The following MYO18B variants were observed in gnomAD, a reference collection of about 807,000 sequenced individuals.
MYO18B encodes unconventional myosin-XVIIIb.
In MYO18B, 204 loss-of-function variants were observed where a neutral mutation model predicts 273.0. That is an observed-to-expected ratio of 0.75 (90% CI 0.67 to 0.84). The LOEUF is 0.84. Ranked by LOEUF, MYO18B falls within the 40% of genes least tolerant of loss-of-function variation. The pLI is 0.00. For missense variants in MYO18B, 3,212 were observed against 3,287.6 expected (o/e 0.98, Z 0.56); for synonymous variants, 1,330 against 1,305.7 (o/e 1.02, Z -0.40).
intron 25 of MYO18B, among the ~76,000 whole-genome samples, chr22:25,890,268 T>C (rs2091620954): frequency 1.3e-5 from 2 of 152,150 alleles, no homozygotes; most frequent in Non-Finnish European, 1.5e-5. Context: ...CATGGGGCCA[T>C]TGTAGAGAGG....
In MYO18B at chr22:25,746,829, T is replaced by C. The variant is rs1438522836; in HGVS notation, c.-110+4536T>C. ...AGCAACACAGTAGTGGATAGAAAAT[T>C]AGCCCTTTGAGGCTGGGCGCAGTGG... On this transcript the variant is annotated intron_variant, in intron 1 of 43. Transcript: ENST00000335473. 3.9e-5 allele frequency among the ~76,000 whole-genome samples: 6 copies of C among 152,258 alleles called. No homozygotes were observed. In the South Asian group the frequency reaches 1.2e-3, roughly 32 times the overall value.
intron 21 of MYO18B, among the ~76,000 whole-genome samples, chr22:25,859,529 T>C (rs2090669647): frequency 6.6e-6 from 1 of 152,220 alleles, no homozygotes; most frequent in Non-Finnish European, 1.5e-5. Context: ...TCTATCCTTA[T>C]CAATACTTGG....
intron 2 of MYO18B, 26 bp downstream of exon 2, chr22:25,761,157 G>T: frequency 1.2e-6 from 2 of 1,610,938 alleles, no homozygotes. Context: ...GGCTGGGGCT[G>T]CAGCCATCTG....
chr22:26,025,503 G>A (rs73154186), intron 42 of MYO18B, among the ~76,000 whole-genome samples: 3,918 of 152,278 alleles, frequency 0.026, 73 homozygotes, highest in Non-Finnish European at 0.041. Flanking sequence ...TTGGAAACCC[G>A]CGTGTGCATC....
At chr22:25,744,423 G>T (rs146233922) in intron 1 of MYO18B, among the ~76,000 whole-genome samples, 22 of 152,270 alleles carry the variant, frequency 1.4e-4, no homozygotes, top group Non-Finnish European at 2.9e-4. Flanking sequence ...TGTGGTGTGT[G>T]GCATATCTTT....
chr22:25,986,101 C>G (rs2146814260), intron 39 of MYO18B, among the ~76,000 whole-genome samples: 1 of 152,290 alleles, frequency 6.6e-6, no homozygotes, highest in South Asian at 2.1e-4. Flanking sequence ...CAATTAGAAG[C>G]AAAGCTGGAC....
intron 32 of MYO18B, 29 bp downstream of exon 32, chr22:25,908,461 C>T (rs566107482): frequency 1.3e-6 from 2 of 1,546,210 alleles, no homozygotes; most frequent in Non-Finnish European, 1.8e-6. Flanking sequence ...CAGCTGTGCC[C>T]TTGGATCCTG....
chr22:26,006,378 AGT>A (rs1934421366), intron 42 of MYO18B: 1 of 208,446 alleles, frequency 4.8e-6, no homozygotes, highest in Admixed American at 4.8e-5. Flanking sequence ...CAAAACAAAA[AGT>A]AGGCACTTTT....
At chr22:26,013,321 T>C (rs1223222249) in intron 42 of MYO18B, among the ~76,000 whole-genome samples, 1 of 152,182 alleles carries the variant, frequency 6.6e-6, no homozygotes, top group African/African-American at 2.4e-5. Flanking sequence ...TGTCTTACAA[T>C]GCACAGGACA....
chr22:26,027,560 G>C lies in MYO18B; in HGVS notation c.7586G>C (p.Gly2529Ala), dbSNP rs1489303859. 1 of 1,613,986 alleles carries C rather than the reference G, an allele frequency of 6.2e-7. No individual in the cohort carries two copies. Among genetic ancestry groups the C allele is most frequent in the East Asian group, 2.2e-5 (1 of 44,880 alleles). ...GCTGACAGCATCAAAAGTCGACCAG[G>C]AATCCCACGACTTGCGGGTGACGGT... is the stretch of plus-strand genomic sequence containing the variant. ...KSADSIKSRP[G>A]IPRLAGDGGE... Residue 2529 changes from glycine to alanine, a missense_variant, in exon 43 of 44, where the codon GGA (glycine) becomes GCA (alanine). Coordinates refer to ENST00000335473, the MANE Select transcript of MYO18B (RefSeq NM_032608.7). The surrounding 1 kb of genome is among the most constrained non-coding windows in gnomAD (Gnocchi z 4.1).
At chr22:25,782,597 G>A (rs923766899) in intron 10 of MYO18B, among the ~76,000 whole-genome samples, 51 of 152,320 alleles carry the variant, frequency 3.3e-4, no homozygotes, top group Admixed American at 3.1e-3. Context: ...GGATGGGCAT[G>A]GTCCTAGTGA....
At chr22:25,916,509 C>T (rs1374047899) in intron 33 of MYO18B, among the ~76,000 whole-genome samples, 2 of 152,152 alleles carry the variant, frequency 1.3e-5, no homozygotes, top group African/African-American at 4.8e-5. Flanking sequence ...TTAGTGCCAT[C>T]TACTAAGTGT....
chr22:25,956,817 G>A lies in MYO18B; in HGVS notation c.6156+1453G>A, dbSNP rs75838002. ...TTCTCCTTCCTGCATTATCCGCTCT[G>A]GTGCTGTGAGAGGTCTTACCAACTT... On this transcript the variant is annotated intron_variant, in intron 39 of 43. Coordinates refer to ENST00000335473, the MANE Select transcript of MYO18B (RefSeq NM_032608.7). Among the ~76,000 whole-genome samples, 429 of 152,226 alleles carry A rather than the reference G, an allele frequency of 2.8e-3. 2 individuals carry two copies. Among genetic ancestry groups the A allele is most frequent in the Non-Finnish European group, 5.0e-3 (343 of 68,014 alleles).
the MYO18B span, among the ~76,000 whole-genome samples, chr22:26,048,692 C>T: frequency 2.0e-5 from 3 of 151,892 alleles, no homozygotes; most frequent in Non-Finnish European, 2.9e-5. Flanking sequence ...TATCTCCTCT[C>T]ATTATTAAAA....
chr22:25,843,416 ATTTAAAGAAAACATCAAG>A (rs1469543982), intron 17 of MYO18B, among the ~76,000 whole-genome samples: 11 of 152,338 alleles, frequency 7.2e-5, no homozygotes, highest in African/African-American at 2.2e-4. Context: ...ATGTAAGTCG[ATTTAAAGAAAACATCAAG>A]TAAATCACAG....
chr22:25,769,859 A>AT (rs57200528), intron 4 of MYO18B, among the ~76,000 whole-genome samples: 10,171 of 144,706 alleles, frequency 0.07, 418 homozygotes, highest in African/African-American at 0.12. Flanking sequence ...TTTATGTAGT[A>AT]TTTTTTTTTT....
rs2091633837 is a variant in MYO18B at position 25,890,689 on chromosome 22, A to G, written c.4315-67A>G. ...GATTTGTCCAAAGGCGATCCTGTGC[A>G]TGGGGAGAGAAGGGTTGGTGGCTCC... is the stretch of plus-strand genomic sequence containing the variant. On this transcript the variant is annotated intron_variant, in intron 25 of 43. Transcript: ENST00000335473. 6 of 1,588,752 alleles carry G rather than the reference A, an allele frequency of 3.8e-6. No homozygotes were observed. In the East Asian group the frequency reaches 6.8e-5, roughly 18 times the overall value.
intron 22 of MYO18B, among the ~76,000 whole-genome samples, chr22:25,871,018 A>G (rs1398089522): frequency 6.6e-6 from 1 of 152,234 alleles, no homozygotes; most frequent in Non-Finnish European, 1.5e-5. Context: ...CTTGGTATTG[A>G]CTGAGAAACT....
rs545786598 is a variant in MYO18B at position 25,874,225 on chromosome 22, C to T, written c.3952-61C>T. On this transcript the variant is annotated intron_variant, in intron 22 of 43. Transcript: ENST00000335473. ...GAAGTGGGGTCTGATTTGCAAGCAC[C>T]CCCCCATTGTAGACAGCCTTCTTCA... 6 of 1,595,714 alleles carry T rather than the reference C, an allele frequency of 3.8e-6. 1 individual carries two copies. In the South Asian group the frequency reaches 4.5e-5, roughly 12 times the overall value.
Sources: allele counts gnomAD v4.1 joint callset (sites outside exome capture counted in the v4.1 genomes callset), GRCh38; gene constraint gnomAD v4.1.1; non-coding constraint Gnocchi (gnomAD v3.1); transcripts MANE v1.5; gene names NCBI Gene and HGNC (gene_info 2026-07-23, HGNC 2026-07-21).